CLNK: variants seen among roughly 807,000 people sequenced by gnomAD.
CLNK encodes cytokine dependent hematopoietic cell linker.
In CLNK, 74 loss-of-function variants were observed where a neutral mutation model predicts 68.6. The ratio of observed to expected loss-of-function variants is 1.08; its 90% CI spans 0.89 to 1.31. The LOEUF (loss-of-function observed/expected upper bound fraction) is 1.31. CLNK is among the 50% of genes most tolerant of loss of function. The pLI is 0.00. For synonymous variants in CLNK, 198 were observed against 172.2 expected, an observed-to-expected ratio of 1.15 and a Z score of -1.17; for missense variants, 553 against 515.3, an observed-to-expected ratio of 1.07 and a Z score of -0.71.
At chr4:10,564,611 T>C in intron 7 of CLNK, 60 bp downstream of exon 7, 1 of 1,222,308 alleles carries the variant, frequency 8.2e-7, no homozygotes, top group South Asian at 1.2e-5. Flanking sequence ...TGGGGCAGTT[T>C]CTAGCTGGTT....
chr4:10,540,795 T>C (rs1242163555), intron 10 of CLNK, among the ~76,000 whole-genome samples, 191 bp from the exon 11 acceptor site: 1 of 152,196 alleles, frequency 6.6e-6, no homozygotes, highest in African/African-American at 2.4e-5. Flanking sequence ...TAATTTTCTA[T>C]GGGGAGTCAA....
At chr4:10,594,456 G>T (rs111882816) in intron 3 of CLNK, among the ~76,000 whole-genome samples, 2 of 152,192 alleles carry the variant, frequency 1.3e-5, no homozygotes, top group Non-Finnish European at 2.9e-5. Flanking sequence ...CCACAGGGAG[G>T]GCTTATTTCA....
intron 2 of CLNK, among the ~76,000 whole-genome samples, chr4:10,655,238 G>A (rs1478699819): frequency 1.3e-5 from 2 of 151,514 alleles, no homozygotes; most frequent in African/African-American, 4.9e-5. Context: ...TATATAACAT[G>A]TTCGTGAACT....
At chr4:10,577,926 A>G (rs1394822236) in intron 4 of CLNK, among the ~76,000 whole-genome samples, 1 of 152,200 alleles carries the variant, frequency 6.6e-6, no homozygotes, top group Non-Finnish European at 1.5e-5. Context: ...GGAAGGCAAC[A>G]TGTATTTCAT....
chr4:10,532,092 A>C (rs1718567263), intron 12 of CLNK, 164 bp downstream of exon 12: 1 of 685,264 alleles, frequency 1.5e-6, no homozygotes, highest in Non-Finnish European at 2.6e-6. Flanking sequence ...AGCTTGTTTT[A>C]CTTTGGCTTT....
chr4:10,623,677 A>C (rs554493909), intron 2 of CLNK, among the ~76,000 whole-genome samples: 1 of 152,398 alleles, frequency 6.6e-6, no homozygotes, highest in African/African-American at 2.4e-5. Context: ...ACTAAGTGTT[A>C]ACCACACAGG....
At chr4:10,610,211 T>C (rs1205132647) in intron 2 of CLNK, among the ~76,000 whole-genome samples, 60 of 150,568 alleles carry the variant, frequency 4.0e-4, no homozygotes, top group East Asian at 1.6e-3. Flanking sequence ...CGCCCGCCAC[T>C]GCGCCCGGCT....
intron 15 of CLNK, among the ~76,000 whole-genome samples, chr4:10,514,881 C>T (rs1717761203): frequency 6.6e-6 from 1 of 152,136 alleles, no homozygotes; most frequent in Non-Finnish European, 1.5e-5. Flanking sequence ...TATCCAGAAT[C>T]TACAATGAAC....
In CLNK at chr4:10,678,962, C is replaced by T. The variant is rs148997155; in HGVS notation, c.-43+5706G>A. Among the ~76,000 whole-genome samples the T allele has an allele frequency of 1.0e-2, 1,520 of 152,198 alleles. 33 individuals are homozygous for T. The highest frequency in any genetic ancestry group is 0.034 in the African/African-American group (1,428 of 41,504). On this transcript the variant is annotated intron_variant, in intron 1 of 18. Coordinates refer to ENST00000226951, the MANE Select transcript of CLNK (RefSeq NM_052964.4). ...CCCAAGGTAATTTATAGATTCAATGCCATCCCCATCAAGCTACCAATGACT... is the reference window on the plus strand; with the variant it reads ...CCCAAGGTAATTTATAGATTCAATGTCATCCCCATCAAGCTACCAATGACT...
chr4:10,725,470 C>T, the CLNK span, among the ~76,000 whole-genome samples: 7 of 152,106 alleles, frequency 4.6e-5, no homozygotes, highest in Non-Finnish European at 8.8e-5. Context: ...TCTGCAAGGA[C>T]GCCCGTGCAG....
chr4:10,677,967 C>A (rs925229494), intron 1 of CLNK, among the ~76,000 whole-genome samples: 1 of 152,100 alleles, frequency 6.6e-6, no homozygotes, highest in Non-Finnish European at 1.5e-5. Context: ...TTGAACAATC[C>A]TGTCATTCTG....
In CLNK at chr4:10,570,285, G is replaced by C. The variant is rs74624865; in HGVS notation, c.150+1456C>G. ...TCCACCCAATACCTTTGCTAGACTT[G>C]GTAGAGTCAGGACATGATAAGAAGG... On this transcript the variant is annotated intron_variant, in intron 5 of 18. Transcript: ENST00000226951. 7.5e-4 allele frequency among the ~76,000 whole-genome samples: 114 copies of C among 152,152 alleles called. 3 individuals carry two copies. The East Asian group carries it at 9.6e-3, about 13-fold the overall frequency.
chr4:10,670,663 TA>T (rs142408200), intron 1 of CLNK, among the ~76,000 whole-genome samples: 2,592 of 152,278 alleles, frequency 0.017, 79 homozygotes, highest in African/African-American at 0.059. Context: ...ATGAGCAGCT[TA>T]GGCCAAATAG....
intron 2 of CLNK, among the ~76,000 whole-genome samples, chr4:10,651,621 A>T (rs933018273): frequency 6.6e-6 from 1 of 152,210 alleles, no homozygotes; most frequent in Non-Finnish European, 1.5e-5. Context: ...AAAATAAAAT[A>T]TGACCAAAGA....
At chr4:10,498,081 G>A (rs191471460) in intron 18 of CLNK, among the ~76,000 whole-genome samples, 3 of 152,326 alleles carry the variant, frequency 2.0e-5, no homozygotes, top group Admixed American at 1.3e-4. Context: ...TGTAATCCCA[G>A]CTACTCGGGA....
chr4:10,588,890 T>C (rs139349561), intron 3 of CLNK, among the ~76,000 whole-genome samples: 3 of 151,986 alleles, frequency 2.0e-5, no homozygotes, highest in Non-Finnish European at 4.4e-5. Flanking sequence ...TCTAAAATAG[T>C]CAAACCTATA....
chr4:10,674,317 T>C (rs1724785016), intron 1 of CLNK, among the ~76,000 whole-genome samples: 1 of 152,162 alleles, frequency 6.6e-6, no homozygotes, highest in Non-Finnish European at 1.5e-5. Flanking sequence ...GCCAGCTTAT[T>C]TCTCCAACAA....
At chr4:10,721,731 C>T in the CLNK span, among the ~76,000 whole-genome samples, 27 of 152,138 alleles carry the variant, frequency 1.8e-4, no homozygotes, top group Admixed American at 2.0e-4. Context: ...GTACTAAGCA[C>T]CAGGAGAGGG....
chr4:10,699,869 A>G, the CLNK span, among the ~76,000 whole-genome samples: 2 of 152,026 alleles, frequency 1.3e-5, no homozygotes, highest in African/African-American at 2.4e-5. Flanking sequence ...TACAATATCA[A>G]TGCTATGTAC....
Sources: allele counts gnomAD v4.1 joint callset (sites outside exome capture counted in the v4.1 genomes callset), GRCh38; gene constraint gnomAD v4.1.1; transcripts MANE v1.5; gene names NCBI Gene and HGNC (gene_info 2026-07-23, HGNC 2026-07-21).